RBFOX1: variants seen among roughly 807,000 people sequenced by gnomAD.
RBFOX1 encodes RNA binding fox-1 homolog 1, also known as RNA binding protein fox-1 homolog 1.
RBFOX1 carries 8 observed loss-of-function variants against 57.7 expected under a neutral mutation model. The observed-to-expected ratio is 0.14, with a 90% CI of 0.08 to 0.25. The LOEUF (loss-of-function observed/expected upper bound fraction) is 0.25. Among genes scored for constraint, RBFOX1 ranks in the 10% least tolerant of loss-of-function variants. The pLI, the probability that RBFOX1 is intolerant of heterozygous loss-of-function variation, is 1.00. For missense variants in RBFOX1, 611 were observed against 548.5 expected, an observed-to-expected ratio of 1.11 and a Z score of -1.14; for synonymous variants, 326 against 222.4, an observed-to-expected ratio of 1.47 and a Z score of -4.15.
intron 2 of RBFOX1, among the ~76,000 whole-genome samples, chr16:5,531,802 CTTTTTT>C (rs35194843): frequency 7.4e-6 from 1 of 134,256 alleles, no homozygotes. Context: ...GTCAAGAGGT[CTTTTTT>C]TTTTTTTTTT....
intron 2 of RBFOX1, among the ~76,000 whole-genome samples, chr16:5,528,544 T>TC (rs1254005505): frequency 7.0e-6 from 1 of 143,460 alleles, no homozygotes; most frequent in Non-Finnish European, 1.5e-5. Flanking sequence ...CGACAGCTCT[T>TC]CTTTTTTTTT....
At chr16:7,347,190 C>T (rs2097027541) in intron 4 of RBFOX1, among the ~76,000 whole-genome samples, 1 of 152,150 alleles carries the variant, frequency 6.6e-6, no homozygotes, top group African/African-American at 2.4e-5. Flanking sequence ...TGCTATCATC[C>T]TACAATGCAT....
intron 3 of RBFOX1, among the ~76,000 whole-genome samples, chr16:5,760,072 A>C (rs947601579): frequency 1.3e-5 from 2 of 151,936 alleles, no homozygotes; most frequent in Non-Finnish European, 2.9e-5. Flanking sequence ...TCTAGTAAAT[A>C]GCAGGAAATT....
chr16:6,885,805 A>G (rs1486954496), intron 3 of RBFOX1, among the ~76,000 whole-genome samples: 1 of 152,226 alleles, frequency 6.6e-6, no homozygotes, highest in Non-Finnish European at 1.5e-5. Context: ...TGCTGGGATT[A>G]CGGGCATGAA....
intron 14 of RBFOX1, among the ~76,000 whole-genome samples, chr16:7,700,406 G>C (rs2080282863): frequency 6.6e-6 from 1 of 152,176 alleles, no homozygotes; most frequent in African/African-American, 2.4e-5. Flanking sequence ...AGCTTAGCAA[G>C]AAGTAACAGT....
intron 2 of RBFOX1, among the ~76,000 whole-genome samples, chr16:6,318,873 G>A (rs995323244): frequency 1.3e-5 from 2 of 151,674 alleles, no homozygotes; most frequent in Non-Finnish European, 2.9e-5. Context: ...ATGTTTATGG[G>A]TATTGATCCC....
chr16:6,132,144 T>A (rs1302962304), intron 1 of RBFOX1, among the ~76,000 whole-genome samples: 2 of 152,240 alleles, frequency 1.3e-5, no homozygotes, highest in African/African-American at 4.8e-5. Flanking sequence ...AATGTCTGAC[T>A]GCCCTGGAAC....
At chr16:6,194,485 A>G (rs1308743948) in intron 1 of RBFOX1, among the ~76,000 whole-genome samples, 1 of 152,150 alleles carries the variant, frequency 6.6e-6, no homozygotes, top group Non-Finnish European at 1.5e-5. Flanking sequence ...TCTTTCAAGA[A>G]CAGCCTATTT....
chr16:5,258,718 C>A (rs1043668774), intron 1 of RBFOX1, among the ~76,000 whole-genome samples: 1 of 152,098 alleles, frequency 6.6e-6, no homozygotes, highest in East Asian at 1.9e-4. Context: ...GAGTTCAAGA[C>A]CATCCTGACC....
chr16:5,811,688 G>A (rs2055437810), intron 3 of RBFOX1, among the ~76,000 whole-genome samples: 1 of 151,212 alleles, frequency 6.6e-6, no homozygotes, highest in Non-Finnish European at 1.5e-5. Context: ...TGACTTCGTG[G>A]TCTGCCCGCC....
At chr16:6,063,492 C>G in intron 1 of RBFOX1, among the ~76,000 whole-genome samples, 1 of 109,210 alleles carries the variant, frequency 9.2e-6, no homozygotes, top group East Asian at 2.4e-4. Flanking sequence ...CACACACACA[C>G]ACACACACAC....
At position 7,518,075 on chromosome 16, in the gene RBFOX1, C is replaced by G. The variant is rs1567629272; in HGVS notation, c.28-72C>G. The G allele has an allele frequency of 4.6e-6, 7 of 1,535,344 alleles. No homozygotes were observed. In the South Asian group the frequency reaches 6.3e-5, roughly 14 times the overall value. Reference sequence around the variant, plus strand: ...ACGCGGGGCACGATCGTCCTGGGATCTGGGAGGAAGGTTTCTGCATGGTGG... The same window carrying G: ...ACGCGGGGCACGATCGTCCTGGGATGTGGGAGGAAGGTTTCTGCATGGTGG... On this transcript the variant is annotated intron_variant, in intron 4 of 15. Coordinates refer to ENST00000550418, the MANE Select transcript of RBFOX1 (RefSeq NM_018723.4).
intron 13 of RBFOX1, among the ~76,000 whole-genome samples, chr16:7,672,285 C>T (rs2071720168): frequency 6.6e-6 from 1 of 152,210 alleles, no homozygotes; most frequent in African/African-American, 2.4e-5. Flanking sequence ...CTATTACCCA[C>T]ATTGAAACCG....
At chr16:6,185,818 T>C (rs2097101506) in intron 1 of RBFOX1, among the ~76,000 whole-genome samples, 3 of 152,216 alleles carry the variant, frequency 2.0e-5, no homozygotes, top group South Asian at 2.1e-4. Flanking sequence ...TTGATGAGCG[T>C]GAGAGTAGGA....
chr16:6,602,970 A>T (rs1251639668), intron 2 of RBFOX1, among the ~76,000 whole-genome samples: 1 of 152,152 alleles, frequency 6.6e-6, no homozygotes, highest in Non-Finnish European at 1.5e-5. Flanking sequence ...TGCTGTTATT[A>T]CCCTTTTTCT....
chr16:6,600,514 G>A (rs1490495617), intron 2 of RBFOX1, among the ~76,000 whole-genome samples: 9 of 152,194 alleles, frequency 5.9e-5, no homozygotes, highest in Admixed American at 5.9e-4. Flanking sequence ...TGCTTCAGCT[G>A]ATAACTGCTC....
intron 3 of RBFOX1, among the ~76,000 whole-genome samples, chr16:6,933,548 A>G (rs1280638750): frequency 6.6e-6 from 1 of 152,168 alleles, no homozygotes; most frequent in Admixed American, 6.5e-5. Context: ...TCTCTTCTCT[A>G]CTAAAAATGC....
At chr16:7,104,635 G>T (rs757851279) in intron 4 of RBFOX1, among the ~76,000 whole-genome samples, 1 of 152,148 alleles carries the variant, frequency 6.6e-6, no homozygotes, top group Non-Finnish European at 1.5e-5. Flanking sequence ...CTCAGCCTGG[G>T]TATTTACATC....
intron 3 of RBFOX1, among the ~76,000 whole-genome samples, chr16:6,816,997 C>G (rs1429330712): frequency 1.3e-5 from 2 of 152,100 alleles, no homozygotes; most frequent in Non-Finnish European, 2.9e-5. Flanking sequence ...ATCCCACTGC[C>G]TCTGCCTCCC....
Sources: allele counts gnomAD v4.1 joint callset (sites outside exome capture counted in the v4.1 genomes callset), GRCh38; gene constraint gnomAD v4.1.1; transcripts MANE v1.5; gene names NCBI Gene and HGNC (gene_info 2026-07-23, HGNC 2026-07-21).